The following RPH3A variants were observed in gnomAD, a reference collection of about 807,000 sequenced individuals.
The protein encoded by RPH3A is rabphilin 3A.
RPH3A carries 48 observed loss-of-function variants against 102.2 expected under a neutral mutation model. The ratio of observed to expected loss-of-function variants is 0.47; its 90% confidence interval spans 0.37 to 0.60. RPH3A has a LOEUF of 0.60. Among genes scored for constraint, RPH3A ranks in the 20% least tolerant of loss-of-function variants. RPH3A has a pLI of 0.00. For missense variants in RPH3A, 781 were observed against 910.1 expected (o/e 0.86, Z 1.83); for synonymous variants, 310 against 324.3 (o/e 0.96, Z 0.47).
At chr12:112,742,720 A>G (rs1359170271) in intron 1 of RPH3A, among the ~76,000 whole-genome samples, 1 of 152,200 alleles carries the variant, frequency 6.6e-6, no homozygotes, top group African/African-American at 2.4e-5. Flanking sequence ...GTGAGGACCA[A>G]AGGAGCTTGG....
At chr12:112,881,684 C>T in intron 14 of RPH3A, 88 bp from the exon 15 acceptor site, 2 of 876,132 alleles carry the variant, frequency 2.3e-6, no homozygotes, top group Non-Finnish European at 1.8e-6. Context: ...ACAGGCAGGA[C>T]AGATGCCAGG....
At chr12:112,771,394 C>A (rs1186161750) in intron 1 of RPH3A, among the ~76,000 whole-genome samples, 1 of 152,204 alleles carries the variant, frequency 6.6e-6, no homozygotes, top group Non-Finnish European at 1.5e-5. Flanking sequence ...AAACTTGCCT[C>A]ATTTATTTTC....
chr12:112,711,876 A>G (rs576542885), intron 1 of RPH3A, among the ~76,000 whole-genome samples: 1 of 152,272 alleles, frequency 6.6e-6, no homozygotes, highest in African/African-American at 2.4e-5. Context: ...CTTGTTGCCC[A>G]GGCTGGAGTG....
chr12:112,734,437 T>C (rs10850072), intron 1 of RPH3A, among the ~76,000 whole-genome samples: 60,502 of 152,058 alleles, frequency 0.4, 12,308 homozygotes, highest in East Asian at 0.68. Flanking sequence ...GACGTGTGAC[T>C]GTACATGGCG....
At position 112,868,541 on chromosome 12, in the gene RPH3A, G is replaced by T. The variant is rs947809876; in HGVS notation, c.556G>T (p.Ala186Ser). Residue 186 changes from alanine to serine, a missense_variant, in exon 8 of 22, where the codon GCC becomes TCC. Physicochemically the swap from Ala to Ser is moderately conservative, Grantham distance 99. This residue lies in a region of RPH3A where 730 missense variants were observed against 810.0 expected (regional missense o/e 0.90). Coordinates refer to ENST00000389385, the MANE Select transcript of RPH3A (RefSeq NM_001143854.2). Reference sequence around the variant, plus strand: ...CCAGCAGCCTGTCAGTGAGCCTGCTGCCCCTGAACAGCCTGCTCCTGAGCC... The same window carrying T: ...CCAGCAGCCTGTCAGTGAGCCTGCTTCCCCTGAACAGCCTGCTCCTGAGCC... ...KPQQPVSEPA[A>S]PEQPAPEPKH... The T allele has an allele frequency of 1.2e-6, 2 of 1,614,032 alleles. No individual in the cohort carries two copies. Among genetic ancestry groups the T allele is most frequent in the African/African-American group, 1.3e-5 (1 of 74,914 alleles).
At chr12:112,724,565 T>C (rs1455542708) in intron 1 of RPH3A, among the ~76,000 whole-genome samples, 1 of 152,260 alleles carries the variant, frequency 6.6e-6, no homozygotes, top group East Asian at 1.9e-4. Flanking sequence ...GGCTCAGCGA[T>C]ATCAAATGCT....
Position 112,628,568 on chromosome 12 carries a change from C to CAAA in RPH3A, c.-140+53289_-140+53291dup, listed in dbSNP as rs771688201. ...AACATTGCAAGGCCTGTCTTTACCACAAAAAAAAAAAAAAAAAAAAAAAAA... is the reference window on the plus strand; with the variant it reads ...AACATTGCAAGGCCTGTCTTTACCACAAAAAAAAAAAAAAAAAAAAAAAAAAAA... On this transcript the variant is annotated intron_variant, in intron 1 of 21. Transcript: ENST00000543106. Among the ~76,000 whole-genome samples the CAAA allele has an allele frequency of 2.7e-3, 74 of 27,056 alleles. 9 individuals are homozygous for CAAA. The highest frequency in any genetic ancestry group is 4.8e-3 in the Admixed American group (6 of 1,262). The allele number at this position is 27,056 out of a possible 152,430, so 17.7% of individuals were successfully genotyped here. A position where few individuals can be genotyped will look rare whatever the true frequency, so the allele number is the denominator to read the frequency against.
chr12:112,879,871 T>C (rs191625651), intron 14 of RPH3A, among the ~76,000 whole-genome samples: 2 of 152,286 alleles, frequency 1.3e-5, no homozygotes, highest in African/African-American at 4.8e-5. Context: ...GCCCTGACCA[T>C]TCCTAGCTGT....
chr12:112,839,330 G>T (rs929933413), intron 4 of RPH3A, among the ~76,000 whole-genome samples: 10 of 151,748 alleles, frequency 6.6e-5, no homozygotes, highest in African/African-American at 1.5e-4. Flanking sequence ...TTTTGCCATG[G>T]TGAATAATGT....
intron 1 of RPH3A, among the ~76,000 whole-genome samples, chr12:112,657,934 C>T (rs992918390): frequency 1.3e-5 from 2 of 151,908 alleles, no homozygotes; most frequent in African/African-American, 2.4e-5. Context: ...GCATTCCAGG[C>T]AGAGGGAACA....
At chr12:112,679,076 G>C (rs1022053917) in intron 1 of RPH3A, among the ~76,000 whole-genome samples, 1 of 152,134 alleles carries the variant, frequency 6.6e-6, no homozygotes, top group East Asian at 1.9e-4. Flanking sequence ...CTCGCCCTGT[G>C]TGTCTGTTCT....
chr12:112,773,803 A>G (rs1265297944), intron 1 of RPH3A, among the ~76,000 whole-genome samples: 3 of 152,116 alleles, frequency 2.0e-5, no homozygotes, highest in African/African-American at 7.2e-5. Flanking sequence ...AGTAGGGGCC[A>G]GGCATGGTGG....
At chr12:112,579,065 C>G (rs1043748520) in intron 1 of RPH3A, among the ~76,000 whole-genome samples, 1 of 152,160 alleles carries the variant, frequency 6.6e-6, no homozygotes, top group African/African-American at 2.4e-5. Flanking sequence ...ACAGCACATA[C>G]TTTTTTTGTA....
chr12:112,687,404 G>A (rs1395955375), intron 1 of RPH3A, among the ~76,000 whole-genome samples: 1 of 152,132 alleles, frequency 6.6e-6, no homozygotes, highest in South Asian at 2.1e-4. Flanking sequence ...GAGGAAAGGG[G>A]CTGTAGTGGC....
rs1565882498 is a variant in RPH3A, at chr12:112,791,903, A to AGAGAGAGAGAGAGAGAGAGAGAGAGG, written c.-247_-246insGAGAGAGAGAGAGAGAGAGAGAGGGA. The stretch of plus-strand genomic sequence containing the variant: ...GAGAGAGAGAGAGAGAGAGAGAGAG[A>AGAGAGAGAGAGAGAGAGAGAGAGAGG]GACTCACAGAGCTAAAACCTTCATC... On this transcript the variant is annotated 5_prime_UTR_variant, in exon 1 of 22. Coordinates refer to ENST00000389385, the MANE Select transcript of RPH3A (RefSeq NM_001143854.2). The AGAGAGAGAGAGAGAGAGAGAGAGAGG allele has an allele frequency of 6.0e-5, 9 of 150,324 alleles. No homozygotes were observed. Among genetic ancestry groups the AGAGAGAGAGAGAGAGAGAGAGAGAGG allele is most frequent in the Non-Finnish European group, 7.4e-5 (5 of 67,186 alleles). The allele number at this position is 150,324 out of a possible 1,614,324, so 9.3% of individuals were successfully genotyped here.
chr12:112,611,964 G>A (rs2039642052), intron 1 of RPH3A, among the ~76,000 whole-genome samples: 1 of 152,116 alleles, frequency 6.6e-6, no homozygotes, highest in South Asian at 2.1e-4. Flanking sequence ...TCAAATATAG[G>A]CACATCCGCC....
chr12:112,753,704 T>C (rs1363471575), intron 1 of RPH3A, among the ~76,000 whole-genome samples: 1 of 152,164 alleles, frequency 6.6e-6, no homozygotes, highest in East Asian at 1.9e-4. Context: ...CAACAAAGAA[T>C]AGTGAAAAGA....
chr12:112,689,706 T>C (rs1015006642), intron 1 of RPH3A, among the ~76,000 whole-genome samples: 1 of 152,206 alleles, frequency 6.6e-6, no homozygotes, highest in Non-Finnish European at 1.5e-5. Flanking sequence ...CAGGGAAGCC[T>C]GTCTACCTCT....
At chr12:112,736,704 G>C (rs1333765154) in intron 1 of RPH3A, among the ~76,000 whole-genome samples, 1 of 152,186 alleles carries the variant, frequency 6.6e-6, no homozygotes, top group South Asian at 2.1e-4. Context: ...ATATATGTCA[G>C]CTACTGTTGT....
Sources: gnomAD v4.1 joint callset for allele counts (sites outside exome capture counted in the v4.1 genomes callset) on GRCh38, gnomAD v4.1.1 for gene constraint, gnomAD v4.1.1 regional missense constraint, MANE v1.5 for transcripts, NCBI Gene and HGNC (gene_info 2026-07-23, HGNC 2026-07-21) for gene names.